The following CNOT10 variants were observed in gnomAD, a reference collection of about 807,000 sequenced individuals.
The protein encoded by CNOT10 is CCR4-NOT transcription complex subunit 10, also known as CCR4-NOT transcription complex, subunit 10.
Under a neutral mutation model 94.6 loss-of-function variants are expected in CNOT10, and 30 were observed. The observed-to-expected ratio is 0.32, with a 90% CI of 0.24 to 0.43. The LOEUF is 0.43. Ranked by LOEUF, CNOT10 falls within the 20% of genes least tolerant of loss-of-function variation. The pLI is 1.00. For missense variants in CNOT10, 759 were observed against 877.2 expected (o/e 0.87, Z 1.70); for synonymous variants, 289 against 301.6 (o/e 0.96, Z 0.43).
At chr3:32,700,307 A>G (rs1243986099) in intron 1 of CNOT10, among the ~76,000 whole-genome samples, 1 of 152,134 alleles carries the variant, frequency 6.6e-6, no homozygotes, top group Non-Finnish European at 1.5e-5. Flanking sequence ...GTTTGGAGTT[A>G]CTGAATCTGA....
rs559337875 is a variant in CNOT10 at position 32,703,219 on chromosome 3, T to C, written c.23-649T>C. Among the ~76,000 whole-genome samples the C allele has an allele frequency of 2.6e-4, 40 of 152,052 alleles. No homozygotes were observed. The East Asian group carries it at 6.4e-3, about 24-fold the overall frequency. ...GATTACAGGCGTGAGCCACCGTGCCTGGCAACATTAATCAGTTATTGTTGA... is the reference window on the plus strand; with the variant it reads ...GATTACAGGCGTGAGCCACCGTGCCCGGCAACATTAATCAGTTATTGTTGA... On this transcript the variant is annotated intron_variant, in intron 1 of 18. Transcript: ENST00000328834.
rs1394947944 is a variant in CNOT10 at position 32,720,282 on chromosome 3, C to G, written c.862+51C>G. Reference sequence around the variant, plus strand: ...CTTTTTTTTGCCTTGCTCTTCTACCCCTTCTTGCTTGTCCACCTCCCAACA... The same window carrying G: ...CTTTTTTTTGCCTTGCTCTTCTACCGCTTCTTGCTTGTCCACCTCCCAACA... On this transcript the variant is annotated intron_variant, in intron 8 of 18. Coordinates refer to ENST00000328834, the MANE Select transcript of CNOT10 (RefSeq NM_015442.3). The G allele has an allele frequency of 5.9e-6, 5 of 846,294 alleles. No individual in the cohort carries two copies. In the Admixed American group the frequency reaches 9.0e-5, roughly 15 times the overall value. 52.4% of individuals were successfully genotyped at this position (846,294 alleles called of 1,614,324 possible).
chr3:32,691,556 C>T (rs1486013409), intron 1 of CNOT10, among the ~76,000 whole-genome samples: 2 of 152,172 alleles, frequency 1.3e-5, no homozygotes, highest in African/African-American at 4.8e-5. Flanking sequence ...ATCTGCCCGC[C>T]TCGGCCTCCC....
chr3:32,705,396 T>C (rs1445146646), intron 3 of CNOT10, among the ~76,000 whole-genome samples: 1 of 152,220 alleles, frequency 6.6e-6, no homozygotes, highest in East Asian at 1.9e-4. Context: ...GAATTGGGGA[T>C]TGGTCTGGTG....
intron 13 of CNOT10, 24 bp downstream of exon 13, chr3:32,737,514 A>G (rs747232834): frequency 1.6e-5 from 22 of 1,410,714 alleles, no homozygotes; most frequent in Non-Finnish European, 2.2e-5. Flanking sequence ...CAAAATTAGC[A>G]TTGCATCTAT....
chr3:32,759,320 C>T, intron 13 of CNOT10, 138 bp from the exon 14 acceptor site: 6 of 628,002 alleles, frequency 9.6e-6, no homozygotes, highest in South Asian at 2.1e-5. Flanking sequence ...TAATTCTTAC[C>T]ATTAGTACCG....
At chr3:32,713,504 A>T (rs1350388518) in intron 5 of CNOT10, 135 bp downstream of exon 5, 9 of 671,918 alleles carry the variant, frequency 1.3e-5, no homozygotes, top group Non-Finnish European at 2.1e-5. Flanking sequence ...CAGCTTAAAG[A>T]TACAATTTTC....
At chr3:32,741,674 C>T (rs1159438299) in intron 13 of CNOT10, among the ~76,000 whole-genome samples, 1 of 150,964 alleles carries the variant, frequency 6.6e-6, no homozygotes, top group Non-Finnish European at 1.5e-5. Context: ...GAGGCTGAGG[C>T]AGGAGAATCG....
At chr3:32,689,353 CA>C (rs199702747) in intron 1 of CNOT10, among the ~76,000 whole-genome samples, 8,351 of 76,144 alleles carry the variant, frequency 0.11, 248 homozygotes, top group Middle Eastern at 0.21. Context: ...AACACCATCT[CA>C]AAAAAAAAAA....
chr3:32,716,315 G>C lies in CNOT10; in HGVS notation c.660+4G>C. ...TGCAAAATCAAAGATACATCAGGTA[G>C]TATAAATTTTAAAGGGGGGCAATAC... On this transcript the variant is annotated splice_donor_region_variant and intron_variant, in intron 6 of 18. Coordinates refer to ENST00000328834, the MANE Select transcript of CNOT10 (RefSeq NM_015442.3). 6.6e-7 allele frequency: 1 copy of C among 1,520,680 alleles called. No homozygotes were observed. Among genetic ancestry groups the C allele is most frequent in the Non-Finnish European group, 9.0e-7 (1 of 1,106,152 alleles). 94.2% of individuals were successfully genotyped at this position (1,520,680 alleles called of 1,614,324 possible).
intron 9 of CNOT10, among the ~76,000 whole-genome samples, chr3:32,726,908 G>A (rs577030911): frequency 2.1e-5 from 3 of 144,760 alleles, no homozygotes; most frequent in South Asian, 2.2e-4. Context: ...GTGCAGTGGC[G>A]TGATCTTGGC....
At chr3:32,740,299 A>C (rs6781710) in intron 13 of CNOT10, among the ~76,000 whole-genome samples, 45,443 of 151,666 alleles carry the variant, frequency 0.3, 7,331 homozygotes, top group African/African-American at 0.43. Flanking sequence ...TCTCTACTAA[A>C]AATACAAAAA....
intron 14 of CNOT10, among the ~76,000 whole-genome samples, chr3:32,762,355 A>G (rs1317421878): frequency 6.6e-6 from 1 of 151,642 alleles, no homozygotes; most frequent in Non-Finnish European, 1.5e-5. Context: ...CTGCAGCCTC[A>G]GTCTCCCATG....
chr3:32,719,643 A>C (rs142022338), intron 7 of CNOT10, among the ~76,000 whole-genome samples: 1 of 152,134 alleles, frequency 6.6e-6, no homozygotes, highest in Admixed American at 6.5e-5. Flanking sequence ...AAATTCTTCT[A>C]TTTGTAGAAT....
chr3:32,759,691 A>C, intron 14 of CNOT10, 120 bp downstream of exon 14: 1 of 730,668 alleles, frequency 1.4e-6, no homozygotes, highest in Non-Finnish European at 2.3e-6. Context: ...AAGGAAAGCA[A>C]CTGTTTAAAA....
intron 17 of CNOT10, chr3:32,765,095 C>T (rs764891842): frequency 4.7e-5 from 40 of 853,828 alleles, no homozygotes; most frequent in South Asian, 3.5e-4. Context: ...CCGAGGCAGG[C>T]GGATCATGAG....
intron 7 of CNOT10, among the ~76,000 whole-genome samples, chr3:32,718,553 C>T (rs573311845): frequency 1.8e-3 from 229 of 124,716 alleles, no homozygotes; most frequent in African/African-American, 6.8e-3. Flanking sequence ...CACTGCACTC[C>T]AGCCTGGGCG....
chr3:32,750,917 G>A (rs1393272953), intron 13 of CNOT10, among the ~76,000 whole-genome samples: 1 of 152,084 alleles, frequency 6.6e-6, no homozygotes, highest in African/African-American at 2.4e-5. Flanking sequence ...ACTCTTACAT[G>A]TTGCTTATTA....
chr3:32,718,373 A>G (rs1490798390), intron 7 of CNOT10, among the ~76,000 whole-genome samples: 1 of 149,098 alleles, frequency 6.7e-6, no homozygotes, highest in Non-Finnish European at 1.5e-5. Flanking sequence ...TCACGAGGTC[A>G]GGAGATCGAG....
Sources: gnomAD v4.1 joint callset for allele counts (sites outside exome capture counted in the v4.1 genomes callset) on GRCh38, gnomAD v4.1.1 for gene constraint, MANE v1.5 for transcripts, NCBI Gene and HGNC (gene_info 2026-07-23, HGNC 2026-07-21) for gene names.